MTMR4: variants seen among roughly 807,000 people sequenced by gnomAD.
MTMR4 encodes myotubularin related protein 4.
In MTMR4, 30 loss-of-function variants were observed where a neutral mutation model predicts 125.5. The observed-to-expected ratio is 0.24, with a 90% CI of 0.18 to 0.32. The LOEUF is 0.32. Among genes scored for constraint, MTMR4 ranks in the 10% least tolerant of loss-of-function variants. The pLI, the probability that MTMR4 is intolerant of heterozygous loss-of-function variation, is 1.00. For missense variants in MTMR4, 1,039 were observed against 1,511.5 expected, an observed-to-expected ratio of 0.69 and a Z score of 5.18; for synonymous variants, 498 against 564.5, an observed-to-expected ratio of 0.88 and a Z score of 1.67.
chr17:58,508,125 A>G lies in MTMR4; in HGVS notation c.707+36T>C. On this transcript the variant is annotated intron_variant, in intron 7 of 17. Coordinates refer to ENST00000682306, the MANE Select transcript of MTMR4 (RefSeq NM_001378067.1). The surrounding 1 kb of genome is among the most constrained non-coding windows in gnomAD (Gnocchi z 4.8). ...TTTGACTCTTTCCTTGTTGCATAAG[A>G]AATGGCCTCCCTACTTCCCAGCCCC... 5.2e-6 allele frequency: 8 copies of G among 1,525,146 alleles called. No individual in the cohort carries two copies. The highest frequency in any genetic ancestry group is 7.3e-6 in the Non-Finnish European group (8 of 1,103,048). The allele number at this position is 1,525,146 out of a possible 1,614,324, so 94.5% of individuals were successfully genotyped here.
chr17:58,511,405 T>G, intron 4 of MTMR4, 24 bp downstream of exon 4: 1 of 1,595,444 alleles, frequency 6.3e-7, no homozygotes, highest in East Asian at 2.3e-5. Context: ...CCAGGGGACC[T>G]GAGTGAGGCT....
rs201659333 is a variant in MTMR4, at chr17:58,506,845, C to A, written c.931G>T (p.Val311Leu). The change falls in exon 9 of 18, where the codon GTG becomes TTG. Residue 311 changes from valine (V) to leucine (L), a missense_variant. Transcript: ENST00000682306. ...FDSSLTACSG[V>L]ESTAAPQKLL... ...TTTTGAGGAGCTGCTGTGCTCTCCACTCCAGAGCACGCAGTCAGAGAAGAA... is the reference window on the plus strand; with the variant it reads ...TTTTGAGGAGCTGCTGTGCTCTCCAATCCAGAGCACGCAGTCAGAGAAGAA... 1.2e-6 allele frequency: 2 copies of A among 1,612,998 alleles called. No homozygotes were observed. The highest frequency in any genetic ancestry group is 1.7e-5 in the Admixed American group (1 of 59,950).
chr17:58,510,796 T>TG (rs1343563896), intron 4 of MTMR4: 4 of 152,244 alleles, frequency 2.6e-5, no homozygotes, highest in Non-Finnish European at 5.9e-5. Context: ...AGGCTGATCT[T>TG]GAACTCCTAA....
chr17:58,507,351 G>A, intron 7 of MTMR4, 32 bp from the exon 8 acceptor site: 1 of 1,598,238 alleles, frequency 6.3e-7, no homozygotes. Context: ...TAATGCCCTT[G>A]GCATTCGAAG....
In MTMR4 at chr17:58,491,780, C is replaced by T. The variant is rs756325986; in HGVS notation, c.3513G>A (p.Gln1171=). 1 of 1,614,086 alleles carries T rather than the reference C, an allele frequency of 6.2e-7. No homozygotes were observed. Among genetic ancestry groups the T allele is most frequent in the East Asian group, 2.2e-5 (1 of 44,874 alleles). Residue 1171 remains glutamine (Q), a synonymous_variant, in exon 18 of 18, where the codon CAG becomes CAA. Transcript: ENST00000682306. ...CCHLKLPIPD[Q]QLYDPVLVCN... is the part of the protein sequence containing the mutation. ...AGACGAGAACTGGGTCATAGAGTTG[C>T]TGATCAGGAATGGGCAGCTTCAGGT...
At position 58,508,407 on chromosome 17, in the gene MTMR4, A is replaced by G. The variant is rs1250364350; in HGVS notation, c.593+61T>C. 5.0e-6 allele frequency: 8 copies of G among 1,587,366 alleles called. No individual in the cohort carries two copies. Among genetic ancestry groups the G allele is most frequent in the Non-Finnish European group, 6.1e-6 (7 of 1,155,824 alleles). On this transcript the variant is annotated intron_variant, in intron 6 of 17. Transcript: ENST00000682306. This position sits in a 1 kb window ranked among gnomAD's most constrained non-coding sequence, Gnocchi z 4.8. ...CAGACTCAGAAGCTGTGCCCACCAC[A>G]CTTTATCCAAACACGGAAGTAGTTT...
At chr17:58,513,357 G>A (rs1975987420) in intron 1 of MTMR4, among the ~76,000 whole-genome samples, 1 of 152,166 alleles carries the variant, frequency 6.6e-6, no homozygotes. Context: ...TCAGAGAGAA[G>A]GGAAATCAGG....
Position 58,504,879 on chromosome 17 carries a change from C to A in MTMR4, c.1241G>T (p.Gly414Val). The A allele has an allele frequency of 6.2e-7, 1 of 1,614,234 alleles. No individual in the cohort carries two copies. The highest frequency in any genetic ancestry group is 1.1e-5 in the South Asian group (1 of 91,086). ...TGAGCAGTGTACCAGCACAGGCCGG[C>A]CTTCCCGGTCTACTGTATTAGCCAC... is the stretch of plus-strand genomic sequence containing the variant. Reference protein sequence around the residue: ...VLVANTVDREGRPVLVHCSDG... With the variant: ...VLVANTVDREVRPVLVHCSDG... The change falls in exon 11 of 18, where the codon GGC becomes GTC. Residue 414 changes from glycine (G) to valine (V), a missense_variant. Coordinates refer to ENST00000682306, the MANE Select transcript of MTMR4 (RefSeq NM_001378067.1). This position sits in a 1 kb window ranked among gnomAD's most constrained non-coding sequence, Gnocchi z 7.1.
chr17:58,507,985 C>A, intron 7 of MTMR4, 176 bp downstream of exon 7: 1 of 546,836 alleles, frequency 1.8e-6, no homozygotes. Flanking sequence ...GAATAAACTC[C>A]CTAATAGCCT....
chr17:58,504,396 G>T lies in MTMR4; in HGVS notation c.1434C>A (p.Asn478Lys). The T allele has an allele frequency of 1.2e-6, 2 of 1,614,102 alleles. No individual in the cohort carries two copies. The highest frequency in any genetic ancestry group is 2.2e-5 in the South Asian group (2 of 91,060). ...CGHQENVEDQ[N>K]EQCPVFLQWL... Reference sequence around the variant, plus strand: ...ACTGGAGGAACACAGGGCATTGTTCGTTTTGGTCCTCCACATTCTCTTGGT... The same window carrying T: ...ACTGGAGGAACACAGGGCATTGTTCTTTTTGGTCCTCCACATTCTCTTGGT... Residue 478 changes from asparagine (N) to lysine (K), a missense_variant, in exon 12 of 18, where the codon AAC (asparagine) becomes AAA (lysine). Asn to Lys is a moderately conservative substitution (Grantham distance 94). This residue lies in a region of MTMR4 where 107 missense variants were observed against 267.4 expected (regional missense o/e 0.40). Coordinates refer to ENST00000682306, the MANE Select transcript of MTMR4 (RefSeq NM_001378067.1). This position sits in a 1 kb window ranked among gnomAD's most constrained non-coding sequence, Gnocchi z 7.1.
chr17:58,509,458 A>T (rs1975868955), intron 4 of MTMR4, among the ~76,000 whole-genome samples: 1 of 142,634 alleles, frequency 7.0e-6, no homozygotes, highest in Non-Finnish European at 1.5e-5. Flanking sequence ...TTGCTCTGTC[A>T]CCCAGGCTGG....
In MTMR4 at chr17:58,508,880, T is replaced by C; in HGVS notation, c.336-39A>G. ...AGCCACAGGCCTAGGTGAGGCAAAG[T>C]GCAGTTGTGCCATGGGGCTATCAGG... On this transcript the variant is annotated intron_variant, in intron 4 of 17. Coordinates refer to ENST00000682306, the MANE Select transcript of MTMR4 (RefSeq NM_001378067.1). The surrounding 1 kb of genome is among the most constrained non-coding windows in gnomAD (Gnocchi z 4.8). 1 of 1,597,358 alleles carries C rather than the reference T, an allele frequency of 6.3e-7. No individual in the cohort carries two copies. The highest frequency in any genetic ancestry group is 8.6e-7 in the Non-Finnish European group (1 of 1,167,336).
upstream of MTMR4, chr17:58,516,700 T>C: frequency 8.3e-7 from 1 of 1,201,160 alleles, no homozygotes; most frequent in Non-Finnish European, 1.2e-6. Flanking sequence ...CATCTACCCC[T>C]GACCTTCTCT....
rs544181502 is a variant in MTMR4 at position 58,509,125 on chromosome 17, T to C, written c.336-284A>G. ...CTCGTATCAAATCTAAATGCTACCA[T>C]GTGGCCCTGAACGTCTGCACTCCTT... On this transcript the variant is annotated intron_variant, in intron 4 of 17. Transcript: ENST00000682306. 4.6e-5 allele frequency among the ~76,000 whole-genome samples: 7 copies of C among 152,222 alleles called. No individual in the cohort carries two copies. In the South Asian group the frequency reaches 8.3e-4, roughly 18 times the overall value.
intron 1 of MTMR4, among the ~76,000 whole-genome samples, chr17:58,513,706 A>G (rs1302618731): frequency 6.6e-6 from 1 of 151,738 alleles, no homozygotes; most frequent in East Asian, 1.9e-4. Context: ...GGAGAGAGAG[A>G]GAGGAGGCCC....
At chr17:58,516,740 C>T, upstream of MTMR4, 1 of 828,756 alleles carries the variant, frequency 1.2e-6, no homozygotes, top group Admixed American at 2.2e-5. Flanking sequence ...CTCACAGAGA[C>T]TCCAGTCTCT....
Position 58,508,608 on chromosome 17 carries a change from T to C in MTMR4, c.497-44A>G, listed in dbSNP as rs777710894. 8 of 1,614,076 alleles carry C rather than the reference T, an allele frequency of 5.0e-6. No homozygotes were observed. The Admixed American group carries it at 1.2e-4, about 24-fold the overall frequency. On this transcript the variant is annotated intron_variant, in intron 5 of 17. Coordinates refer to ENST00000682306, the MANE Select transcript of MTMR4 (RefSeq NM_001378067.1). The surrounding 1 kb of genome is among the most constrained non-coding windows in gnomAD (Gnocchi z 4.8). The stretch of plus-strand genomic sequence containing the variant: ...GATGGTTAGCTTCCCAGAGCACCAA[T>C]GTGCAGGAGTGGAGGAGGGATGAGA...
intron 15 of MTMR4, among the ~76,000 whole-genome samples, 181 bp downstream of exon 15, chr17:58,494,751 G>C (rs1268923949): frequency 6.6e-6 from 1 of 152,188 alleles, no homozygotes; most frequent in Non-Finnish European, 1.5e-5. Context: ...TCTAACACCT[G>C]ATGCCTCCTC....
At chr17:58,518,153 C>T (rs2042045388), upstream of MTMR4, among the ~76,000 whole-genome samples, 1 of 152,234 alleles carries the variant, frequency 6.6e-6, no homozygotes, top group African/African-American at 2.4e-5. Flanking sequence ...ACAGCGCGTC[C>T]TTGCGGCAGC....
Sources: allele counts gnomAD v4.1 joint callset (sites outside exome capture counted in the v4.1 genomes callset), GRCh38; gene constraint gnomAD v4.1.1; regional missense constraint gnomAD v4.1.1; non-coding constraint Gnocchi (gnomAD v3.1); transcripts MANE v1.5; gene names NCBI Gene and HGNC (gene_info 2026-07-23, HGNC 2026-07-21).